TSPAN14: variants seen among roughly 807,000 people sequenced by gnomAD.
TSPAN14 encodes tetraspanin-14.
A neutral mutation model predicts 36.6 loss-of-function variants in TSPAN14; 16 were observed. That is an observed-to-expected ratio of 0.44 (90% CI 0.30 to 0.66). TSPAN14 has a LOEUF of 0.66. Ranked by LOEUF, TSPAN14 falls within the 30% of genes least tolerant of loss-of-function variation. TSPAN14 has a pLI of 0.12. For synonymous variants in TSPAN14, 139 were observed against 143.8 expected (o/e 0.97, Z 0.24); for missense variants, 231 against 355.1 (o/e 0.65, Z 2.81).
Position 80,468,119 on chromosome 10 carries a change from A to T in TSPAN14, c.-18+13748A>T, listed in dbSNP as rs566219178. On this transcript the variant is annotated intron_variant, in intron 1 of 8. Coordinates refer to ENST00000429989, the Ensembl canonical transcript of TSPAN14. ...AATGTTCTTTTCCTGGTGACCTTTC[A>T]GGCTGGGTTTCTGCCCTTTATGTGC... Among the ~76,000 whole-genome samples the T allele has an allele frequency of 1.6e-4, 24 of 152,254 alleles. No homozygotes were observed. In the South Asian group the frequency reaches 5.0e-3, roughly 32 times the overall value.
chr10:80,474,296 A>T (rs577887032), intron 1 of TSPAN14, among the ~76,000 whole-genome samples: 1 of 151,642 alleles, frequency 6.6e-6, no homozygotes, highest in Admixed American at 6.6e-5. Flanking sequence ...CATGGGGTGT[A>T]TGTAGCTCAG....
At chr10:80,489,418 G>A in intron 2 of TSPAN14, 104 bp downstream of exon 2, 1 of 863,952 alleles carries the variant, frequency 1.2e-6, no homozygotes, top group Non-Finnish European at 1.9e-6. Context: ...AAGGCTCTGG[G>A]ATAAGGTGGT....
At chr10:80,482,918 A>G (rs1847373933) in intron 1 of TSPAN14, among the ~76,000 whole-genome samples, 3 of 151,352 alleles carry the variant, frequency 2.0e-5, no homozygotes, top group Admixed American at 2.0e-4. Context: ...TATTTTTAGT[A>G]GAGATGGGGT....
At chr10:80,488,242 T>C (rs574344980) in intron 1 of TSPAN14, among the ~76,000 whole-genome samples, 22 of 152,250 alleles carry the variant, frequency 1.4e-4, no homozygotes, top group South Asian at 1.2e-3. Flanking sequence ...AGCCACTGCA[T>C]TGGGGGCAGG....
At chr10:80,495,494 C>T (rs1848153671) in intron 2 of TSPAN14, among the ~76,000 whole-genome samples, 1 of 152,180 alleles carries the variant, frequency 6.6e-6, no homozygotes, top group African/African-American at 2.4e-5. Flanking sequence ...CCTGCATGGC[C>T]TCAGCCCCTG....
At chr10:80,480,577 A>G (rs1219781212) in intron 1 of TSPAN14, among the ~76,000 whole-genome samples, 1 of 152,240 alleles carries the variant, frequency 6.6e-6, no homozygotes, top group East Asian at 1.9e-4. Context: ...TGGCACATAT[A>G]CACCATGGAA....
intron 1 of TSPAN14, among the ~76,000 whole-genome samples, chr10:80,481,285 CAGG>C (rs1847259789): frequency 6.6e-6 from 1 of 151,996 alleles, no homozygotes; most frequent in Admixed American, 6.6e-5. Flanking sequence ...CCGAAGGCCC[CAGG>C]AGGATTTCTT....
intron 1 of TSPAN14, among the ~76,000 whole-genome samples, chr10:80,486,898 C>T (rs908638284): frequency 1.3e-5 from 2 of 151,968 alleles, no homozygotes; most frequent in South Asian, 2.1e-4. Flanking sequence ...CCAACCCTCC[C>T]CTGAAGGGAA....
At chr10:80,492,204 T>C (rs1364181420) in intron 2 of TSPAN14, among the ~76,000 whole-genome samples, 1 of 152,184 alleles carries the variant, frequency 6.6e-6, no homozygotes, top group Non-Finnish European at 1.5e-5. Context: ...TTTTTTTAAA[T>C]GGAGAAAATA....
chr10:80,455,006 G>A (rs529805227), intron 1 of TSPAN14, among the ~76,000 whole-genome samples: 160 of 152,332 alleles, frequency 1.1e-3, no homozygotes, highest in Middle Eastern at 0.01. Context: ...CGTTAGTCGT[G>A]TGGGGTTGTG....
chr10:80,495,335 C>CTGTGTGTG (rs3041272), intron 2 of TSPAN14, among the ~76,000 whole-genome samples: 1,453 of 135,674 alleles, frequency 0.011, 12 homozygotes, highest in Non-Finnish European at 0.015. Flanking sequence ...TCTTTTGGCA[C>CTGTGTGTG]TGTGTGTGTG....
At chr10:80,485,483 C>T (rs17680710) in intron 1 of TSPAN14, 7,610 of 269,664 alleles carry the variant, frequency 0.028, 140 homozygotes, top group Middle Eastern at 0.047. Flanking sequence ...CTGAAGCCTC[C>T]GAGCCATACC....
At chr10:80,483,741 C>G (rs150554472) in intron 1 of TSPAN14, among the ~76,000 whole-genome samples, 2,227 of 151,610 alleles carry the variant, frequency 0.015, 79 homozygotes, top group East Asian at 0.12. Context: ...AAACTCCTGT[C>G]TCTACTAAAA....
At chr10:80,462,344 A>AGGAATGGGGTGGGGTGGGAT (rs1158872219) in intron 1 of TSPAN14, among the ~76,000 whole-genome samples, 3 of 80,750 alleles carry the variant, frequency 3.7e-5, no homozygotes, top group African/African-American at 2.1e-4. Context: ...CCTAGGGCGT[A>AGGAATGGGGTGGGGTGGGAT]GGAATGGGGT....
chr10:80,462,886 A>G (rs1846052306), intron 1 of TSPAN14, among the ~76,000 whole-genome samples: 1 of 152,078 alleles, frequency 6.6e-6, no homozygotes, highest in Non-Finnish European at 1.5e-5. Context: ...CTGATGACTG[A>G]GTGGGGAGGG....
chr10:80,496,373 C>G (rs1848197843), intron 2 of TSPAN14, among the ~76,000 whole-genome samples: 1 of 152,180 alleles, frequency 6.6e-6, no homozygotes, highest in African/African-American at 2.4e-5. Flanking sequence ...TTCGCATATG[C>G]ATACTCTATG....
chr10:80,482,116 G>A (rs551210660), intron 1 of TSPAN14, among the ~76,000 whole-genome samples: 11 of 152,172 alleles, frequency 7.2e-5, no homozygotes, highest in Non-Finnish European at 1.0e-4. Context: ...GAAGTTGGAA[G>A]TGTCACCTAG....
intron 1 of TSPAN14, among the ~76,000 whole-genome samples, chr10:80,475,817 C>G (rs1564717625): frequency 6.6e-6 from 1 of 152,162 alleles, no homozygotes; most frequent in Non-Finnish European, 1.5e-5. Flanking sequence ...GGACTCCTGA[C>G]TTTGTGATCC....
chr10:80,508,210 G>C (rs1840407051), intron 4 of TSPAN14, among the ~76,000 whole-genome samples: 1 of 151,260 alleles, frequency 6.6e-6, no homozygotes, highest in African/African-American at 2.4e-5. Context: ...CCGCCTCCCG[G>C]GTTCACACCA....
Sources: gnomAD v4.1 joint callset for allele counts (sites outside exome capture counted in the v4.1 genomes callset) on GRCh38, gnomAD v4.1.1 for gene constraint, MANE v1.5 for transcripts, NCBI Gene and HGNC (gene_info 2026-07-23, HGNC 2026-07-21) for gene names.